Variants in WDR4 observed in about 807,000 individuals in gnomAD.
WDR4 encodes WDR4 tRNA N7-guanosine methyltransferase non-catalytic subunit.
WDR4 carries 47 observed loss-of-function variants against 48.6 expected under a neutral mutation model. That is an observed-to-expected ratio of 0.97 (90% CI 0.77 to 1.23). WDR4 has a LOEUF of 1.23. WDR4 is among the 50% of genes most tolerant of loss of function. WDR4 has a pLI of 0.00. For synonymous variants in WDR4, 268 were observed against 230.0 expected (o/e 1.17, Z -1.49); for missense variants, 606 against 551.6 (o/e 1.10, Z -0.99).
chr21:42,871,193 G>A (rs1601168522), intron 3 of WDR4, among the ~76,000 whole-genome samples: 1 of 152,292 alleles, frequency 6.6e-6, no homozygotes, highest in South Asian at 2.1e-4. Flanking sequence ...AACCAGCCCT[G>A]TCCTGCCAGC....
chr21:42,883,185 G>T (rs1166146460), upstream of WDR4, among the ~76,000 whole-genome samples: 1 of 146,712 alleles, frequency 6.8e-6, no homozygotes, highest in Non-Finnish European at 1.5e-5. Context: ...TGAGGTACGA[G>T]AATCACTTGA....
At position 42,862,144 on chromosome 21, in the gene WDR4, G is replaced by A. The variant is rs1602726009; in HGVS notation, c.566+138C>T. 3 of 723,048 alleles carry A rather than the reference G, an allele frequency of 4.1e-6. No homozygotes were observed. The highest frequency in any genetic ancestry group is 3.6e-5 in the African/African-American group (2 of 56,298). 44.8% of individuals were successfully genotyped at this position (723,048 alleles called of 1,614,324 possible). On this transcript the variant is annotated intron_variant, in intron 5 of 10. Coordinates refer to ENST00000398208, the MANE Select transcript of WDR4 (RefSeq NM_018669.6). This position sits in a 1 kb window ranked among gnomAD's most constrained non-coding sequence, Gnocchi z 4.3. Reference sequence around the variant, plus strand: ...TGCAGGCAGCACCACGGCGCCTGCAGTGACCAAACACCAAGCACGGGGGCT... The same window carrying A: ...TGCAGGCAGCACCACGGCGCCTGCAATGACCAAACACCAAGCACGGGGGCT...
At chr21:42,886,986 TTTTA>T in the WDR4 span, 1 of 152,242 alleles carries the variant, frequency 6.6e-6, no homozygotes, top group Non-Finnish European at 1.5e-5. Flanking sequence ...CACCACTACT[TTTTA>T]TTTGATTTGA....
At chr21:42,856,387 T>G (rs1405623883) in intron 6 of WDR4, among the ~76,000 whole-genome samples, 1 of 152,216 alleles carries the variant, frequency 6.6e-6, no homozygotes, top group Non-Finnish European at 1.5e-5. Flanking sequence ...TGGTTTTATC[T>G]GTTGTTATTT....
At position 42,852,359 on chromosome 21, in the gene WDR4, GA is replaced by G. The variant is rs375107483; in HGVS notation, c.976-36del. On this transcript the variant is annotated intron_variant, in intron 9 of 10. Transcript: ENST00000398208. ...ACAAACAGGAAATCTTCATCAGAAA[GA>G]GGCAGGCCTGGAAACCCAGCACCAG... The G allele has an allele frequency of 2.5e-6, 4 of 1,610,456 alleles. No homozygotes were observed. In the African/African-American group the frequency reaches 4.0e-5, roughly 16 times the overall value.
chr21:42,882,938 A>G (rs1042102470), upstream of WDR4, among the ~76,000 whole-genome samples: 3 of 152,114 alleles, frequency 2.0e-5, no homozygotes, highest in African/African-American at 4.8e-5. Flanking sequence ...GTCTGTACTA[A>G]AAATACAAAA....
chr21:42,892,826 G>A, the WDR4 span, among the ~76,000 whole-genome samples: 2 of 152,226 alleles, frequency 1.3e-5, no homozygotes, highest in Admixed American at 6.5e-5. Context: ...AGAGGGTGAG[G>A]GAGCTGGGCG....
the WDR4 span, among the ~76,000 whole-genome samples, chr21:42,889,307 G>A: frequency 6.6e-6 from 1 of 152,078 alleles, no homozygotes; most frequent in Non-Finnish European, 1.5e-5. Context: ...TAAAACTTGA[G>A]ATGTCCTGAA....
rs889611307 is a variant in WDR4 at position 42,862,888 on chromosome 21, G to A, written c.454-494C>T. On this transcript the variant is annotated intron_variant, in intron 4 of 10. Coordinates refer to ENST00000398208, the MANE Select transcript of WDR4 (RefSeq NM_018669.6). The surrounding 1 kb of genome is among the most constrained non-coding windows in gnomAD (Gnocchi z 4.3). Reference sequence around the variant, plus strand: ...GCGTCCAATCCCAGCTCCACCACCCGGGCTGTGGGCCTGCGCCCTCTGGGG... The same window carrying A: ...GCGTCCAATCCCAGCTCCACCACCCAGGCTGTGGGCCTGCGCCCTCTGGGG... Among the ~76,000 whole-genome samples the A allele has an allele frequency of 5.3e-5, 8 of 152,176 alleles. No homozygotes were observed. Among genetic ancestry groups the A allele is most frequent in the African/African-American group, 1.4e-4 (6 of 41,422 alleles).
At position 42,863,601 on chromosome 21, in the gene WDR4, A is replaced by G; in HGVS notation, c.297-5T>C. Reference sequence around the variant, plus strand: ...GTACACCTCCTTGCCACGGTCCTAGAAGGCCAGAAAGACACCCCCATTAGC... The same window carrying G: ...GTACACCTCCTTGCCACGGTCCTAGGAGGCCAGAAAGACACCCCCATTAGC... On this transcript the variant is annotated splice_region_variant and splice_polypyrimidine_tract_variant and intron_variant, in intron 3 of 10. Transcript: ENST00000398208. The G allele has an allele frequency of 6.2e-7, 1 of 1,610,330 alleles. No homozygotes were observed. The highest frequency in any genetic ancestry group is 8.5e-7 in the Non-Finnish European group (1 of 1,177,658).
At chr21:42,863,357 C>G in intron 4 of WDR4, 83 bp downstream of exon 4, 2 of 1,498,374 alleles carry the variant, frequency 1.3e-6, no homozygotes, top group South Asian at 2.6e-5. Context: ...GACATTGACT[C>G]AGCGTATGCC....
chr21:42,859,260 G>A lies in WDR4; in HGVS notation c.627+402C>T, dbSNP rs192388012. ...ACACCCCATCTTAAAAAAAAAGAAAGAAAGAAAAAAAGGAAAGAAAAGGAA... is the reference window on the plus strand; with the variant it reads ...ACACCCCATCTTAAAAAAAAAGAAAAAAAGAAAAAAAGGAAAGAAAAGGAA... On this transcript the variant is annotated intron_variant, in intron 6 of 10. Transcript: ENST00000398208. Among the ~76,000 whole-genome samples the A allele has an allele frequency of 4.0e-5, 6 of 151,424 alleles. No homozygotes were observed. In the East Asian group the frequency reaches 7.8e-4, roughly 20 times the overall value.
chr21:42,867,392 C>CAAAAAA lies in WDR4; in HGVS notation c.297-3797_297-3796insTTTTTT, dbSNP rs1569329587. On this transcript the variant is annotated intron_variant, in intron 3 of 10. Coordinates refer to ENST00000398208, the MANE Select transcript of WDR4 (RefSeq NM_018669.6). ...GGTGACAAAGAGACACTCCGCTCCA[C>CAAAAAA]CAAAAAAAAAAAAAAAAAAAAGTGA... Among the ~76,000 whole-genome samples the CAAAAAA allele has an allele frequency of 4.6e-5, 3 of 64,940 alleles. 1 individual carries two copies. The highest frequency in any genetic ancestry group is 6.5e-5 in the Non-Finnish European group (2 of 30,928). 42.6% of individuals were successfully genotyped at this position (64,940 alleles called of 152,430 possible).
chr21:42,863,626 C>T, intron 3 of WDR4, 30 bp from the exon 4 acceptor site: 1 of 1,603,488 alleles, frequency 6.2e-7, no homozygotes, highest in Non-Finnish European at 8.5e-7. Flanking sequence ...CCCCCATTAG[C>T]TTCCAGGAGC....
rs370007597 is a variant in WDR4, at chr21:42,863,800, G to A, written c.297-204C>T. Among the ~76,000 whole-genome samples the A allele has an allele frequency of 2.6e-4, 40 of 151,824 alleles. 1 individual carries two copies. Among genetic ancestry groups the A allele is most frequent in the South Asian group, 2.1e-3 (10 of 4,804 alleles). The stretch of plus-strand genomic sequence containing the variant: ...CCTTCGACAAATTTACTTTCACAAC[G>A]TTTTTCTTTAAGAAAATTGCTCCTA... On this transcript the variant is annotated intron_variant, in intron 3 of 10. Transcript: ENST00000398208.
rs1053305232 is a variant in WDR4, at chr21:42,862,230, C to T, written c.566+52G>A. The T allele has an allele frequency of 3.5e-5, 53 of 1,500,044 alleles. No individual in the cohort carries two copies. Among genetic ancestry groups the T allele is most frequent in the Non-Finnish European group, 4.7e-5 (52 of 1,105,908 alleles). 92.9% of individuals were successfully genotyped at this position (1,500,044 alleles called of 1,614,324 possible). A position where few individuals can be genotyped will look rare whatever the true frequency, so the allele number is the denominator to read the frequency against. ...GCACCTGCTGAGCCGCAAGCTGACG[C>T]TGTTTTCAAACAGACCTTCTTTCTG... On this transcript the variant is annotated intron_variant, in intron 5 of 10. Coordinates refer to ENST00000398208, the MANE Select transcript of WDR4 (RefSeq NM_018669.6). This position sits in a 1 kb window ranked among gnomAD's most constrained non-coding sequence, Gnocchi z 4.3.
At chr21:42,855,826 C>T (rs1390184421) in intron 6 of WDR4, 46 bp from the exon 7 acceptor site, 5 of 1,459,826 alleles carry the variant, frequency 3.4e-6, no homozygotes, top group African/African-American at 1.4e-5. Context: ...GTGGGGCTTC[C>T]GTCAGGTAGG....
At chr21:42,889,515 G>C in the WDR4 span, among the ~76,000 whole-genome samples, 1 of 152,156 alleles carries the variant, frequency 6.6e-6, no homozygotes, top group Admixed American at 6.6e-5. Context: ...ACTCCCAAGT[G>C]TTCTAGCCCC....
intron 5 of WDR4, among the ~76,000 whole-genome samples, chr21:42,861,836 C>T (rs997083701): frequency 6.6e-5 from 10 of 152,204 alleles, no homozygotes; most frequent in South Asian, 6.2e-4. Flanking sequence ...TTCAGAAACA[C>T]CTCCACATGG....
Sources: allele counts gnomAD v4.1 joint callset (sites outside exome capture counted in the v4.1 genomes callset), GRCh38; gene constraint gnomAD v4.1.1; non-coding constraint Gnocchi (gnomAD v3.1); transcripts MANE v1.5; gene names NCBI Gene and HGNC (gene_info 2026-07-23, HGNC 2026-07-21).